RORA: variants seen among roughly 807,000 people sequenced by gnomAD.
RORA encodes the protein RAR related orphan receptor A.
RORA carries 7 observed loss-of-function variants against 69.5 expected under a neutral mutation model. The observed-to-expected ratio is 0.10, with a 90% CI of 0.06 to 0.19. The LOEUF (loss-of-function observed/expected upper bound fraction) is 0.19, where lower values mean the gene tolerates loss of function less well. RORA is among the 10% of genes least tolerant of loss of function. The pLI, the probability that RORA is intolerant of heterozygous loss-of-function variation, is 1.00. For synonymous variants in RORA, 261 were observed against 240.8 expected, an observed-to-expected ratio of 1.08 and a Z score of -0.78; for missense variants, 457 against 663.0, an observed-to-expected ratio of 0.69 and a Z score of 3.41.
At chr15:60,639,711 G>A (rs900201725) in intron 2 of RORA, among the ~76,000 whole-genome samples, 3 of 152,178 alleles carry the variant, frequency 2.0e-5, no homozygotes, top group African/African-American at 7.2e-5. Flanking sequence ...GAGGGGAGGC[G>A]GGCTCCTGTC....
At chr15:60,858,419 C>G (rs749705623) in intron 1 of RORA, among the ~76,000 whole-genome samples, 14 of 152,128 alleles carry the variant, frequency 9.2e-5, no homozygotes, top group Non-Finnish European at 1.9e-4. Context: ...GAAAAAAGAC[C>G]AGGGACATTT....
Position 60,511,124 on chromosome 15 carries a change from A to T in RORA, c.820+102T>A. 1.5e-6 allele frequency: 2 copies of T among 1,294,362 alleles called. No individual in the cohort carries two copies. Among genetic ancestry groups the T allele is most frequent in the Non-Finnish European group, 2.1e-6 (2 of 938,056 alleles). 80.2% of individuals were successfully genotyped at this position (1,294,362 alleles called of 1,614,324 possible). ...TAAGTGGCCCAAATGGTAAAGGTGA[A>T]TTGCATCATTTAGCAGAACTCATTA... On this transcript the variant is annotated intron_variant, in intron 5 of 10. Transcript: ENST00000335670. The surrounding 1 kb of genome is among the most constrained non-coding windows in gnomAD (Gnocchi z 6.4).
chr15:61,078,329 CTGTG>C (rs56676588), intron 1 of RORA, among the ~76,000 whole-genome samples: 21,987 of 133,034 alleles, frequency 0.17, 1,908 homozygotes, highest in African/African-American at 0.23. Context: ...ACACCTGGCT[CTGTG>C]TGTGTGTGTG....
intron 2 of RORA, among the ~76,000 whole-genome samples, chr15:60,662,528 C>T (rs1357475028): frequency 2.0e-5 from 3 of 152,122 alleles, no homozygotes; most frequent in African/African-American, 7.2e-5. Context: ...TGTGTTAACG[C>T]TCTGGAATGT....
At chr15:60,947,695 A>T (rs1256830969) in intron 1 of RORA, among the ~76,000 whole-genome samples, 1 of 111,084 alleles carries the variant, frequency 9.0e-6, no homozygotes, top group Non-Finnish European at 2.4e-5. Context: ...CAATAAAAAA[A>T]AAAAAAAAAA....
chr15:60,729,189 C>T (rs1490196584), intron 1 of RORA, among the ~76,000 whole-genome samples: 1 of 152,126 alleles, frequency 6.6e-6, no homozygotes, highest in Admixed American at 6.5e-5. Context: ...CCCCACCCCA[C>T]CCCATATTCT....
chr15:60,920,515 A>C (rs555275719), intron 1 of RORA, among the ~76,000 whole-genome samples: 1 of 152,328 alleles, frequency 6.6e-6, no homozygotes, highest in South Asian at 2.1e-4. Flanking sequence ...TTAGGCCTAA[A>C]GTCACCAAGC....
At chr15:60,711,079 T>G (rs1174781774) in intron 1 of RORA, among the ~76,000 whole-genome samples, 1 of 152,180 alleles carries the variant, frequency 6.6e-6, no homozygotes, top group Non-Finnish European at 1.5e-5. Flanking sequence ...CCAGCCTTGC[T>G]CTGCCCCTGC....
intron 2 of RORA, among the ~76,000 whole-genome samples, chr15:60,542,758 C>T (rs1321562394): frequency 6.6e-6 from 1 of 150,934 alleles, no homozygotes; most frequent in African/African-American, 2.5e-5. Flanking sequence ...ACGGGCACAC[C>T]TCACACACAA....
intron 1 of RORA, among the ~76,000 whole-genome samples, chr15:60,825,719 T>G (rs1253108413): frequency 2.6e-5 from 4 of 152,182 alleles, no homozygotes; most frequent in African/African-American, 9.7e-5. Context: ...CAGAACCTCC[T>G]CTTCTGTGAC....
intron 1 of RORA, among the ~76,000 whole-genome samples, chr15:60,704,601 A>C (rs2071034486): frequency 6.6e-6 from 1 of 152,246 alleles, no homozygotes; most frequent in South Asian, 2.1e-4. Flanking sequence ...ATGAAATAAA[A>C]TATAAAAGGA....
At chr15:60,590,906 T>C (rs2068483914) in intron 2 of RORA, among the ~76,000 whole-genome samples, 1 of 152,268 alleles carries the variant, frequency 6.6e-6, no homozygotes, top group South Asian at 2.1e-4. Flanking sequence ...GTGGGCACAT[T>C]ATATAGAAAG....
chr15:61,165,624 G>C (rs1284992207), intron 1 of RORA, among the ~76,000 whole-genome samples: 6 of 152,196 alleles, frequency 3.9e-5, no homozygotes. Flanking sequence ...CAATCCCCAA[G>C]GATGGGGAAC....
chr15:61,019,319 C>T (rs1895419534), intron 1 of RORA, among the ~76,000 whole-genome samples: 1 of 152,198 alleles, frequency 6.6e-6, no homozygotes, highest in Non-Finnish European at 1.5e-5. Context: ...GAATTTTCCC[C>T]ATGTCTGTCC....
chr15:60,840,210 T>A (rs1174398210), intron 1 of RORA, among the ~76,000 whole-genome samples: 1 of 152,196 alleles, frequency 6.6e-6, no homozygotes, highest in Non-Finnish European at 1.5e-5. Flanking sequence ...TTTGACAGCC[T>A]GTTTCTTGGG....
At chr15:61,130,230 A>G (rs1026257669) in intron 1 of RORA, among the ~76,000 whole-genome samples, 3 of 152,222 alleles carry the variant, frequency 2.0e-5, no homozygotes, top group Non-Finnish European at 2.9e-5. Flanking sequence ...TAAAATGGAC[A>G]CAACTCATAT....
intron 1 of RORA, among the ~76,000 whole-genome samples, chr15:61,211,379 G>A (rs2079990589): frequency 6.6e-6 from 1 of 151,300 alleles, no homozygotes. Context: ...AAACCCCTTT[G>A]AAGAAAACTC....
chr15:61,052,710 T>C (rs993977158), intron 1 of RORA, among the ~76,000 whole-genome samples: 9 of 152,218 alleles, frequency 5.9e-5, no homozygotes, highest in African/African-American at 1.2e-4. Context: ...CTGTAAGTAA[T>C]AGTATATTTC....
intron 1 of RORA, among the ~76,000 whole-genome samples, chr15:60,938,811 G>C (rs1892604352): frequency 2.0e-5 from 3 of 152,302 alleles, no homozygotes; most frequent in Non-Finnish European, 1.5e-5. Flanking sequence ...AATCTGCCTA[G>C]ATCTGCCACT....
Sources: gnomAD v4.1 joint callset for allele counts (sites outside exome capture counted in the v4.1 genomes callset) on GRCh38, gnomAD v4.1.1 for gene constraint, Gnocchi (gnomAD v3.1) non-coding constraint, MANE v1.5 for transcripts, NCBI Gene and HGNC (gene_info 2026-07-23, HGNC 2026-07-21) for gene names.